Variants in NR3C2 observed in about 807,000 individuals in gnomAD.
NR3C2 encodes nuclear receptor subfamily 3 group C member 2.
NR3C2 carries 15 observed loss-of-function variants against 86.4 expected under a neutral mutation model. The ratio of observed to expected loss-of-function variants is 0.17; its 90% CI spans 0.12 to 0.27. NR3C2 has a LOEUF of 0.27. Ranked by LOEUF, NR3C2 falls within the 10% of genes least tolerant of loss-of-function variation. NR3C2 has a pLI of 1.00. For missense variants in NR3C2, 960 were observed against 1,195.6 expected (o/e 0.80, Z 2.91); for synonymous variants, 458 against 450.5 (o/e 1.02, Z -0.21).
chr4:148,248,900 T>C (rs1185524676), intron 3 of NR3C2, among the ~76,000 whole-genome samples: 18 of 152,302 alleles, frequency 1.2e-4, no homozygotes, highest in Non-Finnish European at 5.9e-5. Context: ...TCTAAAGCAG[T>C]TTAAACGTAT....
chr4:148,079,586 T>C lies in NR3C2; in HGVS notation c.*1758A>G, dbSNP rs886059121. ...TGGCCTCTATTCAAAGTAGTTTATT[T>C]AGTGCAATCATATTGTTAGTTTCCC... is the stretch of plus-strand genomic sequence containing the variant. On this transcript the variant is annotated 3_prime_UTR_variant, in exon 9 of 9. Transcript: ENST00000358102. The C allele has an allele frequency of 2.6e-5, 4 of 152,640 alleles. No individual in the cohort carries two copies. The highest frequency in any genetic ancestry group is 4.1e-4 in the South Asian group (2 of 4,824). 9.5% of individuals were successfully genotyped at this position (152,640 alleles called of 1,614,324 possible).
At chr4:148,112,352 C>T (rs111297708) in intron 8 of NR3C2, among the ~76,000 whole-genome samples, 4,181 of 152,280 alleles carry the variant, frequency 0.027, 188 homozygotes, top group African/African-American at 0.094. Flanking sequence ...AATAAGAGAA[C>T]TTACGAAAGA....
At chr4:148,209,094 A>T (rs28549338) in intron 3 of NR3C2, among the ~76,000 whole-genome samples, 4,651 of 152,004 alleles carry the variant, frequency 0.031, 240 homozygotes, top group African/African-American at 0.11. Flanking sequence ...AACTACAAAA[A>T]TTAGCTGGGT....
chr4:148,377,650 T>A (rs1746745626), intron 2 of NR3C2, among the ~76,000 whole-genome samples: 1 of 152,120 alleles, frequency 6.6e-6, no homozygotes, highest in Admixed American at 6.5e-5. Flanking sequence ...AGCAGGACAG[T>A]GAACATTTGT....
rs79704479 is a variant in NR3C2, at chr4:148,119,499, T to C, written c.2641+659A>G. ...GTAAATAATTACTTTCCATATGTAT[T>C]AAAGATATCTTTGGCCAGGCGTGGT... On this transcript the variant is annotated intron_variant, in intron 7 of 8. Coordinates refer to ENST00000358102, the MANE Select transcript of NR3C2 (RefSeq NM_000901.5). Among the ~76,000 whole-genome samples, 3 of 152,282 alleles carry C rather than the reference T, an allele frequency of 2.0e-5. No individual in the cohort carries two copies. In the East Asian group the frequency reaches 5.8e-4, roughly 29 times the overall value.
intron 2 of NR3C2, among the ~76,000 whole-genome samples, chr4:148,394,655 G>A (rs1354542167): frequency 6.6e-6 from 1 of 152,244 alleles, no homozygotes; most frequent in East Asian, 1.9e-4. Flanking sequence ...CTGCATCACT[G>A]CACTTCGACC....
intron 2 of NR3C2, among the ~76,000 whole-genome samples, chr4:148,261,147 T>G (rs916215767): frequency 7.9e-5 from 12 of 152,170 alleles, no homozygotes; most frequent in African/African-American, 2.9e-4. Flanking sequence ...CTTCATAAAG[T>G]AGAACTGGGG....
intron 2 of NR3C2, among the ~76,000 whole-genome samples, chr4:148,390,620 G>A (rs61764782): frequency 9.9e-5 from 15 of 152,158 alleles, no homozygotes; most frequent in Non-Finnish European, 1.8e-4. Flanking sequence ...ACTTGGTGAT[G>A]TGTGACCCCA....
chr4:148,097,755 T>G (rs982148512), intron 8 of NR3C2, among the ~76,000 whole-genome samples: 5 of 149,290 alleles, frequency 3.3e-5, no homozygotes, highest in Non-Finnish European at 5.9e-5. Flanking sequence ...TTTTTTGTTT[T>G]TTTTTTTTTT....
chr4:148,215,157 G>C (rs1051256366), intron 3 of NR3C2, among the ~76,000 whole-genome samples: 1 of 152,170 alleles, frequency 6.6e-6, no homozygotes, highest in Non-Finnish European at 1.5e-5. Flanking sequence ...AAGTCTGTTC[G>C]GGGTATGAAA....
At chr4:148,346,679 G>A (rs1257332834) in intron 2 of NR3C2, among the ~76,000 whole-genome samples, 1 of 152,076 alleles carries the variant, frequency 6.6e-6, no homozygotes, top group African/African-American at 2.4e-5. Context: ...AAGACAGTAT[G>A]AAAAGGGAAT....
chr4:148,204,710 C>A (rs1158546131), intron 3 of NR3C2, among the ~76,000 whole-genome samples: 1 of 152,164 alleles, frequency 6.6e-6, no homozygotes, highest in Non-Finnish European at 1.5e-5. Flanking sequence ...CATGTTTAGG[C>A]CACCTTAAAA....
At chr4:148,247,945 G>A (rs1250555468) in intron 3 of NR3C2, among the ~76,000 whole-genome samples, 2 of 151,940 alleles carry the variant, frequency 1.3e-5, no homozygotes, top group Non-Finnish European at 1.5e-5. Flanking sequence ...GTCAGATGCC[G>A]GTTACATTAG....
At position 148,436,396 on chromosome 4, in the gene NR3C2, A is replaced by G; in HGVS notation, c.465T>C (p.Ser155=). The change falls in exon 2 of 9, where the codon AGT becomes AGC. Residue 155 remains serine, a synonymous_variant. Coordinates refer to ENST00000358102, the MANE Select transcript of NR3C2 (RefSeq NM_000901.5). ...ATGATCTCAAGGGCGTGTTCACACA[A>G]CTTAGAGTGGAAGGACGATGGCCAT... ...KGNGHRPSTL[S]CVNTPLRSFM... The G allele has an allele frequency of 6.2e-7, 1 of 1,614,180 alleles. No homozygotes were observed. The highest frequency in any genetic ancestry group is 8.5e-7 in the Non-Finnish European group (1 of 1,180,030).
intron 4 of NR3C2, 67 bp from the exon 5 acceptor site, chr4:148,154,968 TTAAAG>T (rs2149768045): frequency 7.8e-7 from 1 of 1,286,546 alleles, no homozygotes; most frequent in South Asian, 1.3e-5. Context: ...CTCACACTGG[TTAAAG>T]TACAGTTTTC....
At chr4:148,118,505 T>C (rs17024397) in intron 7 of NR3C2, among the ~76,000 whole-genome samples, 6,561 of 152,252 alleles carry the variant, frequency 0.043, 444 homozygotes, top group African/African-American at 0.15. Flanking sequence ...CTCTGGATGA[T>C]GGTAACCCCA....
chr4:148,122,033 G>A (rs375236443), intron 6 of NR3C2, among the ~76,000 whole-genome samples: 53 of 152,260 alleles, frequency 3.5e-4, no homozygotes, highest in African/African-American at 1.2e-3. Flanking sequence ...GAGCATGAGC[G>A]TGCCCTTACT....
intron 7 of NR3C2, among the ~76,000 whole-genome samples, chr4:148,119,450 A>G (rs986667075): frequency 2.0e-5 from 3 of 152,104 alleles, no homozygotes; most frequent in African/African-American, 7.2e-5. Flanking sequence ...TTGAACCACC[A>G]TTACATTCCT....
At chr4:148,297,606 A>G (rs1461542641) in intron 2 of NR3C2, among the ~76,000 whole-genome samples, 5 of 152,082 alleles carry the variant, frequency 3.3e-5, no homozygotes, top group Non-Finnish European at 7.4e-5. Flanking sequence ...CTAAAACTAC[A>G]AAAGTAGACA....
Sources: gnomAD v4.1 joint callset for allele counts (sites outside exome capture counted in the v4.1 genomes callset) on GRCh38, gnomAD v4.1.1 for gene constraint, MANE v1.5 for transcripts, NCBI Gene and HGNC (gene_info 2026-07-23, HGNC 2026-07-21) for gene names.